The following MAPK8IP2 variants were observed in gnomAD, a reference collection of about 807,000 sequenced individuals.
The protein encoded by MAPK8IP2 is C-Jun-amino-terminal kinase-interacting protein 2.
Under a neutral mutation model 75.6 loss-of-function variants are expected in MAPK8IP2, and 15 were observed. The ratio of observed to expected loss-of-function variants is 0.20; its 90% confidence interval spans 0.13 to 0.31. The LOEUF (loss-of-function observed/expected upper bound fraction) is 0.31. MAPK8IP2 is among the 10% of genes least tolerant of loss of function. The pLI is 1.00. For synonymous variants in MAPK8IP2, 632 were observed against 554.5 expected (o/e 1.14, Z -1.96); for missense variants, 1,089 against 1,211.2 (o/e 0.90, Z 1.50).
chr22:50,603,383 G>T lies in MAPK8IP2; in HGVS notation c.332G>T (p.Gly111Val), dbSNP rs781725761. The T allele has an allele frequency of 2.8e-5, 44 of 1,555,930 alleles. No individual in the cohort carries two copies. The highest frequency in any genetic ancestry group is 3.8e-5 in the Admixed American group (2 of 51,988). ...EEEGDGEGQE[G>V]GDPGSEAPAP... Reference sequence around the variant, plus strand: ...GAGGGAGATGGGGAAGGCCAGGAGGGAGGAGACCCTGGCTCAGAGGCACCT... The same window carrying T: ...GAGGGAGATGGGGAAGGCCAGGAGGTAGGAGACCCTGGCTCAGAGGCACCT... Residue 111 changes from glycine to valine, a missense_variant, in exon 3 of 12, where the codon GGA becomes GTA. Around this residue, in one of 2 missense-constraint regions of MAPK8IP2, gnomAD observed 960 missense variants for 1,009.6 expected, o/e 0.95. Coordinates refer to ENST00000329492, the MANE Select transcript of MAPK8IP2 (RefSeq NM_012324.6).
intron 10 of MAPK8IP2, among the ~76,000 whole-genome samples, chr22:50,608,555 AG>A (rs1420882020): frequency 1.5e-5 from 2 of 137,270 alleles, no homozygotes; most frequent in Non-Finnish European, 3.1e-5. Flanking sequence ...GACAGTGGGC[AG>A]GGGCGCAGAC....
chr22:50,601,339 T>A (rs9616794), intron 1 of MAPK8IP2: 135,033 of 168,404 alleles, frequency 0.8, 54,382 homozygotes, highest in East Asian at 0.98. Context: ...GGACTGGGGT[T>A]GGGAGGACGC....
chr22:50,612,684 G>A lies in MAPK8IP2; in HGVS notation c.*1905G>A, dbSNP rs2071167412. ...CTAATTGAGATAAAGCTGTAAAGAG[G>A]CAGATAGCCCCACTGGGTGTGTACG... On this transcript the variant is annotated 3_prime_UTR_variant, in exon 12 of 12. Transcript: ENST00000329492. The A allele has an allele frequency of 6.6e-6, 1 of 152,290 alleles. No individual in the cohort carries two copies. Among genetic ancestry groups the A allele is most frequent in the African/African-American group, 2.4e-5 (1 of 41,456 alleles). 9.4% of individuals were successfully genotyped at this position (152,290 alleles called of 1,614,324 possible). A position where few individuals can be genotyped will look rare whatever the true frequency, so the allele number is the denominator to read the frequency against.
rs2071065471 is a variant in MAPK8IP2 at position 50,607,056 on chromosome 22, C to A, written c.2303+65C>A. On this transcript the variant is annotated intron_variant, in intron 10 of 11. Transcript: ENST00000329492. The surrounding 1 kb of genome is among the most constrained non-coding windows in gnomAD (Gnocchi z 5.6). ...ACAAACCCTGAGAGTCCAACCGCCCCCTGAGTCCCCACAGACCCTGAGGGC... is the reference window on the plus strand; with the variant it reads ...ACAAACCCTGAGAGTCCAACCGCCCACTGAGTCCCCACAGACCCTGAGGGC... 6.2e-6 allele frequency: 8 copies of A among 1,292,080 alleles called. No homozygotes were observed. The highest frequency in any genetic ancestry group is 2.3e-5 in the East Asian group (1 of 43,154). The allele number at this position is 1,292,080 out of a possible 1,614,324, so 80.0% of individuals were successfully genotyped here. A position where few individuals can be genotyped will look rare whatever the true frequency, so the allele number is the denominator to read the frequency against.
intron 10 of MAPK8IP2, among the ~76,000 whole-genome samples, chr22:50,608,541 G>A (rs138544414): frequency 0.012 from 1,678 of 142,416 alleles, 8 homozygotes; most frequent in Non-Finnish European, 0.017. Flanking sequence ...GGGTGGAGAG[G>A]TGGGACAGTG....
intron 9 of MAPK8IP2, 59 bp downstream of exon 9, chr22:50,606,824 C>T (rs912790399): frequency 2.4e-5 from 39 of 1,593,776 alleles, no homozygotes; most frequent in Middle Eastern, 1.7e-4. Flanking sequence ...CCACGGAGTC[C>T]GACGGGGCCA....
rs532604403 is a variant in MAPK8IP2 at position 50,610,670 on chromosome 22, G to C, written c.2403-37G>C. ...GAAGGCAGTTTGGGGGTTGAGGACC[G>C]GCCCTGAGTGGCTGGTGGAGGACCG... On this transcript the variant is annotated intron_variant, in intron 11 of 11. Transcript: ENST00000329492. The surrounding 1 kb of genome is among the most constrained non-coding windows in gnomAD (Gnocchi z 4.3). The C allele has an allele frequency of 1.3e-6, 2 of 1,561,322 alleles. No homozygotes were observed. The highest frequency in any genetic ancestry group is 1.8e-6 in the Non-Finnish European group (2 of 1,142,752).
chr22:50,604,355 C>T lies in MAPK8IP2; in HGVS notation c.1056C>T (p.Ser352=). The T allele has an allele frequency of 6.5e-7, 1 of 1,534,012 alleles. No individual in the cohort carries two copies. Among genetic ancestry groups the T allele is most frequent in the Non-Finnish European group, 8.7e-7 (1 of 1,145,876 alleles). ...SEDADSPWLL[S]NLVSRMISEG... is the part of the protein sequence containing the mutation. ...ACGCGGACTCGCCCTGGCTGCTCAG[C>T]AACCTGGTGAGCCGCATGATCTCCG... The change falls in exon 5 of 12, where the codon AGC becomes AGT. Residue 352 remains serine, a synonymous_variant. Coordinates refer to ENST00000329492, the MANE Select transcript of MAPK8IP2 (RefSeq NM_012324.6).
chr22:50,608,197 C>T (rs2071081349), intron 10 of MAPK8IP2, among the ~76,000 whole-genome samples: 1 of 152,140 alleles, frequency 6.6e-6, no homozygotes, highest in Non-Finnish European at 1.5e-5. Flanking sequence ...TTGTGTTGTC[C>T]CCGCCGAGTG....
At chr22:50,605,338 C>A (rs1362918347) in intron 5 of MAPK8IP2, 30 bp from the exon 6 acceptor site, 1 of 1,603,102 alleles carries the variant, frequency 6.2e-7, no homozygotes, top group African/African-American at 1.3e-5. Flanking sequence ...CTCCCTGTCT[C>A]CCCCGCCTCT....
rs2070966690 is a variant in MAPK8IP2, at chr22:50,603,209, CCTCCGT to C, written c.172-12_172-7del. On this transcript the variant is annotated splice_region_variant and splice_polypyrimidine_tract_variant and intron_variant, in intron 2 of 11. Transcript: ENST00000329492. ...CCCTCTGGCCCAGCCCTGCTATCTC[CCTCCGT>C]CCTGCAGGACAGCCTCTCCCTGGGG... 1.9e-5 allele frequency: 30 copies of C among 1,612,222 alleles called. No individual in the cohort carries two copies. The East Asian group carries it at 6.7e-4, about 36-fold the overall frequency.
Position 50,600,896 on chromosome 22 carries a change from G to T in MAPK8IP2, c.65+13G>T. ...CGCCGGGCTGCAGGTACCCCCCTCG[G>T]CGCCCGGGCCGGGCGGACCCTCCGC... On this transcript the variant is annotated intron_variant, in intron 1 of 11. Coordinates refer to ENST00000329492, the MANE Select transcript of MAPK8IP2 (RefSeq NM_012324.6). 8.1e-7 allele frequency: 1 copy of T among 1,237,592 alleles called. No individual in the cohort carries two copies. The allele number at this position is 1,237,592 out of a possible 1,614,324, so 76.7% of individuals were successfully genotyped here.
intron 6 of MAPK8IP2, 51 bp downstream of exon 6, chr22:50,605,494 C>T: frequency 6.2e-7 from 1 of 1,609,782 alleles, no homozygotes; most frequent in Non-Finnish European, 8.5e-7. Context: ...TCCCTGCCAT[C>T]ACGGAACGCC....
intron 5 of MAPK8IP2, 146 bp from the exon 6 acceptor site, chr22:50,605,222 C>T (rs1477052754): frequency 3.8e-5 from 41 of 1,087,314 alleles, no homozygotes; most frequent in Non-Finnish European, 5.2e-5. Context: ...ATGAGGTGGC[C>T]TGCTCTGCCT....
chr22:50,606,649 C>A lies in MAPK8IP2; in HGVS notation c.2125-9C>A. The A allele has an allele frequency of 6.3e-7, 1 of 1,582,338 alleles. No individual in the cohort carries two copies. The highest frequency in any genetic ancestry group is 8.6e-7 in the Non-Finnish European group (1 of 1,163,138). On this transcript the variant is annotated splice_polypyrimidine_tract_variant and intron_variant, in intron 8 of 11. Coordinates refer to ENST00000329492, the MANE Select transcript of MAPK8IP2 (RefSeq NM_012324.6). ...TCAAGACCCTCTTCTCCCCCAACTT[C>A]TTCTGTAGATTGCCACTGCCCGGAA... is the stretch of plus-strand genomic sequence containing the variant.
Position 50,611,336 on chromosome 22 carries a change from CA to C in MAPK8IP2, c.*561del. The stretch of plus-strand genomic sequence containing the variant: ...TCAGGGGGAAGCAGGGAGGGGTTCC[CA>C]AAAGAGCCCTGCGGAGGCTAGGAGT... On this transcript the variant is annotated 3_prime_UTR_variant, in exon 12 of 12. Transcript: ENST00000329492. The surrounding 1 kb of genome is among the most constrained non-coding windows in gnomAD (Gnocchi z 5.5). The C allele has an allele frequency of 6.5e-6, 1 of 152,994 alleles. No homozygotes were observed. The highest frequency in any genetic ancestry group is 1.5e-5 in the Non-Finnish European group (1 of 68,274). The allele number at this position is 152,994 out of a possible 1,614,324, so 9.5% of individuals were successfully genotyped here.
intron 10 of MAPK8IP2, among the ~76,000 whole-genome samples, chr22:50,608,388 C>T (rs1165412572): frequency 5.0e-5 from 6 of 119,342 alleles, no homozygotes; most frequent in Non-Finnish European, 6.9e-5. Context: ...GGACAGTGGG[C>T]AGGGGCGCAG....
intron 2 of MAPK8IP2, 196 bp from the exon 3 acceptor site, chr22:50,603,027 C>A: frequency 8.4e-7 from 1 of 1,194,370 alleles, no homozygotes; most frequent in Non-Finnish European, 1.1e-6. Context: ...GAGTTTAGGC[C>A]CTTCCCAAGA....
intron 10 of MAPK8IP2, chr22:50,609,880 T>C (rs780835965): frequency 1.8e-6 from 1 of 543,112 alleles, no homozygotes; most frequent in Admixed American, 2.0e-5. Context: ...TGGTCTCCAG[T>C]AGCCAGGCAG....
Sources: allele counts gnomAD v4.1 joint callset (sites outside exome capture counted in the v4.1 genomes callset), GRCh38; gene constraint gnomAD v4.1.1; regional missense constraint gnomAD v4.1.1; non-coding constraint Gnocchi (gnomAD v3.1); transcripts MANE v1.5; gene names NCBI Gene and HGNC (gene_info 2026-07-23, HGNC 2026-07-21).